The following NAV2 variants were observed in gnomAD, a reference collection of about 807,000 sequenced individuals.
NAV2 encodes the protein helicase, APC down-regulated 1.
NAV2 carries 54 observed loss-of-function variants against 223.2 expected under a neutral mutation model. The ratio of observed to expected loss-of-function variants is 0.24; its 90% CI spans 0.19 to 0.30. NAV2 has a LOEUF of 0.30. Ranked by LOEUF, NAV2 falls within the 10% of genes least tolerant of loss-of-function variation. The pLI, the probability that NAV2 is intolerant of heterozygous loss-of-function variation, is 1.00. For missense variants in NAV2, 2,806 were observed against 3,147.5 expected, an observed-to-expected ratio of 0.89 and a Z score of 2.60; for synonymous variants, 1,279 against 1,239.3, an observed-to-expected ratio of 1.03 and a Z score of -0.67.
chr11:19,735,211 C>T (rs1326034570), intron 1 of NAV2, among the ~76,000 whole-genome samples: 1 of 152,146 alleles, frequency 6.6e-6, no homozygotes, highest in Non-Finnish European at 1.5e-5. Context: ...TCTCCATGGG[C>T]TTTGGGTGAA....
chr11:19,939,600 T>C (rs1312113075), intron 7 of NAV2, 61 bp from the exon 8 acceptor site: 1 of 1,314,900 alleles, frequency 7.6e-7, no homozygotes, highest in Non-Finnish European at 1.1e-6. Flanking sequence ...TAGACCACAG[T>C]GGTCCAGATG....
chr11:19,785,100 C>T (rs188910614), intron 1 of NAV2, among the ~76,000 whole-genome samples: 16 of 152,268 alleles, frequency 1.1e-4, no homozygotes, highest in African/African-American at 3.1e-4. Flanking sequence ...TGTTACCGAT[C>T]GGGTAGGTGA....
Position 19,697,426 on chromosome 11 carries a change from T to A in NAV2, c.76-135058T>A, listed in dbSNP as rs1270119222. 9.2e-5 allele frequency among the ~76,000 whole-genome samples: 14 copies of A among 151,638 alleles called. No homozygotes were observed. In the East Asian group the frequency reaches 1.4e-3, roughly 15 times the overall value. On this transcript the variant is annotated intron_variant, in intron 1 of 37. Coordinates refer to the NAV2 transcript ENST00000360655. ...ATCTGCACATATATCCTTTAATCTATAATAAAATTTGAAATTTAAAAAAAA... is the reference window on the plus strand; with the variant it reads ...ATCTGCACATATATCCTTTAATCTAAAATAAAATTTGAAATTTAAAAAAAA...
chr11:19,962,356 C>G (rs747322895), intron 10 of NAV2, among the ~76,000 whole-genome samples: 2 of 152,084 alleles, frequency 1.3e-5, no homozygotes, highest in East Asian at 2.0e-4. Flanking sequence ...AATATCTGGA[C>G]TCTAGTGTTT....
intron 1 of NAV2, among the ~76,000 whole-genome samples, chr11:19,439,961 G>A (rs1851341949): frequency 6.6e-6 from 1 of 152,136 alleles, no homozygotes; most frequent in Non-Finnish European, 1.5e-5. Context: ...TTAATTACAA[G>A]TACAATTTTT....
intron 1 of NAV2, among the ~76,000 whole-genome samples, chr11:19,494,204 C>T (rs1211983065): frequency 6.6e-6 from 1 of 152,214 alleles, no homozygotes; most frequent in African/African-American, 2.4e-5. Flanking sequence ...ATGGATTGAG[C>T]CAGTTAGGTC....
At chr11:20,084,298 G>A (rs775592284) in intron 26 of NAV2, among the ~76,000 whole-genome samples, 12 of 152,132 alleles carry the variant, frequency 7.9e-5, no homozygotes, top group South Asian at 2.1e-4. Flanking sequence ...AGGTTTCACC[G>A]TATTGGTCAA....
At chr11:19,437,435 A>T (rs757494671) in intron 1 of NAV2, among the ~76,000 whole-genome samples, 17 of 151,836 alleles carry the variant, frequency 1.1e-4, no homozygotes, top group African/African-American at 4.1e-4. Context: ...TCTGTTTCCA[A>T]CCCCACCCCA....
chr11:19,512,786 C>T (rs979138803), intron 1 of NAV2, among the ~76,000 whole-genome samples: 1 of 152,208 alleles, frequency 6.6e-6, no homozygotes, highest in Non-Finnish European at 1.5e-5. Flanking sequence ...ACATGCCACA[C>T]AGCCCTTCAC....
chr11:19,836,563 C>CAA (rs34706618), intron 2 of NAV2, among the ~76,000 whole-genome samples: 41 of 82,488 alleles, frequency 5.0e-4, no homozygotes, highest in East Asian at 2.1e-3. Flanking sequence ...GACTCTGTCT[C>CAA]AAAAAAAAAA....
intron 1 of NAV2, among the ~76,000 whole-genome samples, chr11:19,416,104 G>A (rs1033622065): frequency 7.9e-5 from 12 of 152,112 alleles, no homozygotes; most frequent in Non-Finnish European, 1.3e-4. Context: ...GGGTAATCAG[G>A]CAAGAGAAAG....
chr11:19,578,716 G>A (rs1271561276), intron 1 of NAV2, among the ~76,000 whole-genome samples: 5 of 152,212 alleles, frequency 3.3e-5, no homozygotes, highest in African/African-American at 1.2e-4. Flanking sequence ...ATTTTGGCTT[G>A]TGTGCCAAAT....
At chr11:19,987,216 G>A (rs1299383330) in intron 11 of NAV2, among the ~76,000 whole-genome samples, 4 of 152,130 alleles carry the variant, frequency 2.6e-5, no homozygotes, top group Admixed American at 2.0e-4. Context: ...CTGCAATTTC[G>A]ATAATACTGT....
At chr11:20,090,772 T>TAA in intron 26 of NAV2, 93 bp from the exon 27 acceptor site, 7 of 1,358,412 alleles carry the variant, frequency 5.2e-6, no homozygotes, top group Non-Finnish European at 7.0e-6. Flanking sequence ...TATTCACAGT[T>TAA]ACTGCTAAAC....
At chr11:19,725,201 G>A (rs1191421595) in intron 1 of NAV2, among the ~76,000 whole-genome samples, 2 of 152,344 alleles carry the variant, frequency 1.3e-5, no homozygotes, top group African/African-American at 2.4e-5. Flanking sequence ...CAGATGAGCT[G>A]GGGCAGGTAA....
At chr11:19,806,149 C>G (rs1230990303) in intron 1 of NAV2, among the ~76,000 whole-genome samples, 1 of 152,208 alleles carries the variant, frequency 6.6e-6, no homozygotes, top group Non-Finnish European at 1.5e-5. Flanking sequence ...TTCCCACACT[C>G]TTATATGAAA....
chr11:19,458,019 C>T (rs548004255), intron 1 of NAV2, among the ~76,000 whole-genome samples: 47 of 152,274 alleles, frequency 3.1e-4, no homozygotes, highest in South Asian at 2.1e-4. Flanking sequence ...TTCTTATGGC[C>T]TCAAAACCCC....
chr11:20,051,195 C>G, intron 16 of NAV2, 94 bp from the exon 17 acceptor site: 1 of 1,011,614 alleles, frequency 9.9e-7, no homozygotes, highest in East Asian at 2.4e-5. Context: ...GCACCTCTTT[C>G]TCCAGGGCCC....
chr11:19,756,452 T>G (rs573457436), intron 1 of NAV2, among the ~76,000 whole-genome samples: 1 of 152,126 alleles, frequency 6.6e-6, no homozygotes, highest in Non-Finnish European at 1.5e-5. Context: ...ACCAAGAAAT[T>G]TGGACTGCGC....
Sources: gnomAD v4.1 joint callset for allele counts (sites outside exome capture counted in the v4.1 genomes callset) on GRCh38, gnomAD v4.1.1 for gene constraint, MANE v1.5 for transcripts, NCBI Gene and HGNC (gene_info 2026-07-23, HGNC 2026-07-21) for gene names.